Variants in SEMA3A observed in about 807,000 individuals in gnomAD.
SEMA3A encodes semaphorin-3A.
Under a neutral mutation model 97.9 loss-of-function variants are expected in SEMA3A, and 29 were observed. That is an observed-to-expected ratio of 0.30 (90% CI 0.22 to 0.40). SEMA3A has a LOEUF of 0.40. Ranked by LOEUF, SEMA3A falls within the 10% of genes least tolerant of loss-of-function variation. The probability of loss-of-function intolerance (pLI) is 1.00; values close to 1 mark genes in which losing one functional copy is unlikely to be tolerated. For missense variants in SEMA3A, 763 were observed against 951.3 expected, an observed-to-expected ratio of 0.80 and a Z score of 2.60; for synonymous variants, 321 against 323.7, an observed-to-expected ratio of 0.99 and a Z score of 0.09.
At chr7:84,004,091 A>C (rs1401910115) in intron 11 of SEMA3A, among the ~76,000 whole-genome samples, 1 of 152,102 alleles carries the variant, frequency 6.6e-6, no homozygotes, top group African/African-American at 2.4e-5. Flanking sequence ...AGGGAAAATA[A>C]ATGTTGTTAT....
chr7:84,091,120 A>AAGAAAGAAAG (rs1412806410), intron 4 of SEMA3A, among the ~76,000 whole-genome samples: 1 of 69,270 alleles, frequency 1.4e-5, no homozygotes, highest in Non-Finnish European at 3.9e-5. Flanking sequence ...GAAAGAAAGA[A>AAGAAAGAAAG]AAAGAAAGAA....
At chr7:84,108,536 C>A (rs1795180900) in intron 4 of SEMA3A, among the ~76,000 whole-genome samples, 1 of 152,098 alleles carries the variant, frequency 6.6e-6, no homozygotes, top group Non-Finnish European at 1.5e-5. Context: ...TGCTCCACAG[C>A]TAGTAAGTTG....
chr7:84,332,045 A>T (rs976169357), intron 2 of SEMA3A, among the ~76,000 whole-genome samples: 13 of 152,180 alleles, frequency 8.5e-5, no homozygotes, highest in African/African-American at 3.1e-4. Flanking sequence ...CAAAATTCTC[A>T]TAAGCAGGAT....
At chr7:84,474,394 G>C (rs73386987) in intron 1 of SEMA3A, among the ~76,000 whole-genome samples, 2 of 152,136 alleles carry the variant, frequency 1.3e-5, no homozygotes, top group Non-Finnish European at 2.9e-5. Flanking sequence ...GCTCCCCTAC[G>C]CAGATTGTGT....
At chr7:84,044,777 T>G (rs1792284122) in intron 6 of SEMA3A, among the ~76,000 whole-genome samples, 1 of 152,050 alleles carries the variant, frequency 6.6e-6, no homozygotes, top group South Asian at 2.1e-4. Context: ...GAGAGAACAG[T>G]TTTGCATGGG....
intron 1 of SEMA3A, among the ~76,000 whole-genome samples, chr7:84,385,088 CACACACACAA>C (rs995730402): frequency 9.0e-5 from 13 of 145,036 alleles, no homozygotes; most frequent in African/African-American, 3.0e-4. Context: ...CACACACACA[CACACACACAA>C]ACACTCAATT....
At chr7:84,456,088 C>A (rs191125215) in intron 1 of SEMA3A, among the ~76,000 whole-genome samples, 4 of 151,860 alleles carry the variant, frequency 2.6e-5, no homozygotes, top group Admixed American at 2.6e-4. Flanking sequence ...AATGAGATGA[C>A]TAAAAGTAAG....
intron 2 of SEMA3A, among the ~76,000 whole-genome samples, chr7:84,332,828 C>T (rs770538360): frequency 6.6e-6 from 1 of 151,952 alleles, no homozygotes; most frequent in Non-Finnish European, 1.5e-5. Context: ...ATTAAGTTTA[C>T]TATACTGAAA....
At chr7:84,362,210 A>C (rs1156590061) in intron 2 of SEMA3A, among the ~76,000 whole-genome samples, 1 of 151,816 alleles carries the variant, frequency 6.6e-6, no homozygotes, top group Non-Finnish European at 1.5e-5. Flanking sequence ...TGAGAACCCC[A>C]TGCTAAATAA....
At chr7:83,963,093 A>G in intron 16 of SEMA3A, 112 bp downstream of exon 16, 1 of 1,151,866 alleles carries the variant, frequency 8.7e-7, no homozygotes, top group South Asian at 1.3e-5. Flanking sequence ...TGATTGGTTC[A>G]GAAGAGGATA....
At chr7:84,059,820 A>G (rs1793143078) in intron 5 of SEMA3A, among the ~76,000 whole-genome samples, 1 of 152,092 alleles carries the variant, frequency 6.6e-6, no homozygotes, top group African/African-American at 2.4e-5. Context: ...AAAAATTTAA[A>G]AATTGCTTCA....
rs981578265 is a variant in SEMA3A, at chr7:83,956,927, T to C, written c.*4444A>G. 2.0e-4 allele frequency: 30 copies of C among 152,054 alleles called. No homozygotes were observed. Among genetic ancestry groups the C allele is most frequent in the African/African-American group, 7.0e-4 (29 of 41,412 alleles). The allele number at this position is 152,054 out of a possible 1,614,324, so 9.4% of individuals were successfully genotyped here. A position where few individuals can be genotyped will look rare whatever the true frequency, so the allele number is the denominator to read the frequency against. ...AAGTTAATTCCTCCTTTTTTTTTTC[T>C]TTGATCCATACCGCTCTTATTGTGA... On this transcript the variant is annotated 3_prime_UTR_variant, in exon 17 of 17. Coordinates refer to ENST00000265362, the MANE Select transcript of SEMA3A (RefSeq NM_006080.3).
intron 3 of SEMA3A, among the ~76,000 whole-genome samples, chr7:84,254,459 T>G (rs1799671826): frequency 6.6e-6 from 1 of 152,196 alleles, no homozygotes; most frequent in Admixed American, 6.5e-5. Flanking sequence ...AGCTGAGTGC[T>G]ATGATCTAAA....
At chr7:84,253,477 A>C (rs1584171327) in intron 3 of SEMA3A, among the ~76,000 whole-genome samples, 2 of 152,302 alleles carry the variant, frequency 1.3e-5, no homozygotes, top group Non-Finnish European at 2.9e-5. Context: ...AAATGTGTAC[A>C]AGACATGGAT....
chr7:84,363,108 C>T (rs765208194), intron 2 of SEMA3A, among the ~76,000 whole-genome samples: 8 of 151,888 alleles, frequency 5.3e-5, no homozygotes, highest in South Asian at 2.1e-4. Context: ...AGTTAGTTTA[C>T]GGACATCTGC....
chr7:84,336,166 T>C (rs1274346687), intron 2 of SEMA3A, among the ~76,000 whole-genome samples: 1 of 152,114 alleles, frequency 6.6e-6, no homozygotes, highest in African/African-American at 2.4e-5. Context: ...AATATTACAA[T>C]GACTATAGAA....
chr7:84,371,235 C>T (rs1802966961), intron 2 of SEMA3A, among the ~76,000 whole-genome samples: 1 of 151,718 alleles, frequency 6.6e-6, no homozygotes, highest in Non-Finnish European at 1.5e-5. Flanking sequence ...TCTGTACCAG[C>T]ACGTTGATGT....
chr7:84,084,205 T>A (rs1211593383), intron 4 of SEMA3A, among the ~76,000 whole-genome samples: 1 of 152,098 alleles, frequency 6.6e-6, no homozygotes, highest in Non-Finnish European at 1.5e-5. Flanking sequence ...CCTTTCAAGT[T>A]GCTAAGAATT....
intron 15 of SEMA3A, 72 bp downstream of exon 15, chr7:83,977,060 A>G: frequency 7.8e-6 from 6 of 767,212 alleles, no homozygotes; most frequent in Non-Finnish European, 1.2e-5. Context: ...CATTGCATGC[A>G]TATGCATGAA....
Sources: allele counts gnomAD v4.1 joint callset (sites outside exome capture counted in the v4.1 genomes callset), GRCh38; gene constraint gnomAD v4.1.1; transcripts MANE v1.5; gene names NCBI Gene and HGNC (gene_info 2026-07-23, HGNC 2026-07-21).